Variants in SLC27A2 observed in about 807,000 individuals in gnomAD.
The protein encoded by SLC27A2 is solute carrier family 27 member 2, also known as long-chain fatty acid transport protein 2.
In SLC27A2, 54 loss-of-function variants were observed where a neutral mutation model predicts 60.0. The observed-to-expected ratio is 0.90, with a 90% CI of 0.72 to 1.13. The LOEUF (loss-of-function observed/expected upper bound fraction) is 1.13. Among genes scored for constraint, SLC27A2 ranks in the 50% most tolerant of loss-of-function variants. The pLI, the probability that SLC27A2 is intolerant of heterozygous loss-of-function variation, is 0.00. For missense variants in SLC27A2, 739 were observed against 777.6 expected (o/e 0.95, Z 0.59); for synonymous variants, 297 against 297.6 (o/e 1.00, Z 0.02).
At chr15:50,191,283 A>T (rs2044971595) in intron 1 of SLC27A2, among the ~76,000 whole-genome samples, 1 of 152,206 alleles carries the variant, frequency 6.6e-6, no homozygotes, top group South Asian at 2.1e-4. Context: ...TGCCACCCAG[A>T]TCCCTGCTTT....
intron 4 of SLC27A2, among the ~76,000 whole-genome samples, chr15:50,210,184 T>A (rs560544068): frequency 6.6e-6 from 1 of 152,274 alleles, no homozygotes; most frequent in South Asian, 2.1e-4. Flanking sequence ...CAGAGCAGCA[T>A]GAGAGGCTCA....
At chr15:50,228,450 C>T (rs1361852855) in intron 7 of SLC27A2, among the ~76,000 whole-genome samples, 1 of 149,274 alleles carries the variant, frequency 6.7e-6, no homozygotes, top group Non-Finnish European at 1.5e-5. Flanking sequence ...AAAAATAGCA[C>T]CTGGTTGGGC....
intron 4 of SLC27A2, among the ~76,000 whole-genome samples, chr15:50,207,829 A>G (rs2045125160): frequency 6.6e-6 from 1 of 151,696 alleles, no homozygotes; most frequent in South Asian, 2.1e-4. Flanking sequence ...GAAAACAATC[A>G]TATGTCATTA....
intron 1 of SLC27A2, among the ~76,000 whole-genome samples, chr15:50,194,400 T>C (rs1266720902): frequency 2.0e-5 from 3 of 152,164 alleles, no homozygotes; most frequent in Non-Finnish European, 1.5e-5. Flanking sequence ...CCTTCAGGGA[T>C]TTTCCATAGA....
intron 9 of SLC27A2, among the ~76,000 whole-genome samples, chr15:50,234,273 T>C (rs1307689013): frequency 6.6e-6 from 1 of 152,002 alleles, no homozygotes; most frequent in Non-Finnish European, 1.5e-5. Context: ...TAGTGAGACT[T>C]CATGTCTACT....
chr15:50,224,309 G>A (rs796938046), intron 5 of SLC27A2, among the ~76,000 whole-genome samples: 12 of 152,178 alleles, frequency 7.9e-5, no homozygotes, highest in African/African-American at 2.9e-4. Flanking sequence ...GCATGGTGGC[G>A]GGAGCCTGTA....
intron 5 of SLC27A2, among the ~76,000 whole-genome samples, chr15:50,223,970 G>A (rs1018744930): frequency 6.6e-6 from 1 of 152,158 alleles, no homozygotes; most frequent in African/African-American, 2.4e-5. Context: ...GTTCATGTGC[G>A]TAAGAGCCCT....
chr15:50,187,186 G>A (rs2044931645), intron 1 of SLC27A2, among the ~76,000 whole-genome samples: 1 of 152,208 alleles, frequency 6.6e-6, no homozygotes. Context: ...TCAAGCAGCA[G>A]CACTGTTTCC....
chr15:50,215,500 T>G (rs551073665), intron 4 of SLC27A2, among the ~76,000 whole-genome samples: 1 of 152,206 alleles, frequency 6.6e-6, no homozygotes, highest in East Asian at 1.9e-4. Flanking sequence ...AGAGCCCGCA[T>G]AGCCAAAGCA....
At chr15:50,233,190 C>T (rs527720853) in intron 8 of SLC27A2, among the ~76,000 whole-genome samples, 2 of 152,250 alleles carry the variant, frequency 1.3e-5, no homozygotes, top group South Asian at 2.1e-4. Context: ...GCCTTCACCT[C>T]CTGTCCCACA....
intron 1 of SLC27A2, among the ~76,000 whole-genome samples, chr15:50,189,670 A>G (rs942811086): frequency 3.3e-5 from 5 of 152,180 alleles, no homozygotes; most frequent in African/African-American, 1.2e-4. Context: ...CAAACTCTGA[A>G]TCAGGTGTTG....
In SLC27A2 at chr15:50,236,104, C is replaced by T. The variant is rs1567440692; in HGVS notation, c.*8C>T. ...AAAACCCTGAAACTCTGAATATTCCCAGGAGGATAACTCAACATTTCCAGA... is the reference window on the plus strand; with the variant it reads ...AAAACCCTGAAACTCTGAATATTCCTAGGAGGATAACTCAACATTTCCAGA... On this transcript the variant is annotated 3_prime_UTR_variant, in exon 10 of 10. Coordinates refer to ENST00000267842, the MANE Select transcript of SLC27A2 (RefSeq NM_003645.4). The T allele has an allele frequency of 9.6e-6, 15 of 1,561,202 alleles. No homozygotes were observed. The highest frequency in any genetic ancestry group is 1.2e-5 in the Non-Finnish European group (14 of 1,146,284).
intron 6 of SLC27A2, 147 bp downstream of exon 6, chr15:50,226,225 A>G (rs1595692172): frequency 1.9e-6 from 1 of 538,594 alleles, no homozygotes; most frequent in East Asian, 2.8e-5. Flanking sequence ...ATATACAGGA[A>G]TTCCAAAGGT....
chr15:50,228,077 G>A (rs1200802765), intron 7 of SLC27A2, among the ~76,000 whole-genome samples: 6 of 152,042 alleles, frequency 3.9e-5, no homozygotes, highest in African/African-American at 1.4e-4. Context: ...CTTCTGGGAG[G>A]GCTAAAGAAT....
intron 4 of SLC27A2, among the ~76,000 whole-genome samples, chr15:50,215,451 TAGAAA>T (rs141007526): frequency 0.016 from 2,430 of 152,166 alleles, 53 homozygotes; most frequent in African/African-American, 0.056. Flanking sequence ...TTCACAGAAT[TAGAAA>T]AGAAAATTCT....
intron 1 of SLC27A2, among the ~76,000 whole-genome samples, chr15:50,195,986 G>A (rs1416586821): frequency 2.1e-5 from 3 of 142,536 alleles, no homozygotes; most frequent in Non-Finnish European, 3.0e-5. Context: ...CCCGGGAGGC[G>A]GAGGTTGCAG....
intron 1 of SLC27A2, chr15:50,190,926 T>C (rs369452362): frequency 6.6e-6 from 1 of 152,234 alleles, no homozygotes; most frequent in East Asian, 1.9e-4. Flanking sequence ...TGTTACTCAT[T>C]AAATGCAGAT....
chr15:50,209,126 T>C (rs1012639697), intron 4 of SLC27A2, among the ~76,000 whole-genome samples: 2 of 152,118 alleles, frequency 1.3e-5, no homozygotes, highest in South Asian at 2.1e-4. Flanking sequence ...AGAACCATGA[T>C]ATTTGGAAGG....
intron 6 of SLC27A2, 44 bp from the exon 7 acceptor site, chr15:50,226,936 T>C: frequency 6.5e-7 from 1 of 1,527,464 alleles, no homozygotes; most frequent in Non-Finnish European, 8.9e-7. Flanking sequence ...ATGTATAAAT[T>C]TGACCTCTAG....
Sources: allele counts gnomAD v4.1 joint callset (sites outside exome capture counted in the v4.1 genomes callset), GRCh38; gene constraint gnomAD v4.1.1; transcripts MANE v1.5; gene names NCBI Gene and HGNC (gene_info 2026-07-23, HGNC 2026-07-21).